TCOF1: variants seen among roughly 807,000 people sequenced by gnomAD.
The protein encoded by TCOF1 is treacle protein.
TCOF1 carries 33 observed loss-of-function variants against 149.0 expected under a neutral mutation model. That is an observed-to-expected ratio of 0.22 (90% CI 0.17 to 0.30). The LOEUF is 0.30. Ranked by LOEUF, TCOF1 falls within the 10% of genes least tolerant of loss-of-function variation. The pLI is 1.00. For missense variants in TCOF1, 1,728 were observed against 1,840.7 expected (o/e 0.94, Z 1.12); for synonymous variants, 789 against 738.8 (o/e 1.07, Z -1.10).
intron 2 of TCOF1, among the ~76,000 whole-genome samples, chr5:150,362,497 G>A (rs1035078937): frequency 1.2e-4 from 18 of 152,136 alleles, no homozygotes; most frequent in African/African-American, 3.4e-4. Context: ...CTGAGGCCCC[G>A]GAGACAGAAG....
intron 1 of TCOF1, 45 bp from the exon 2 acceptor site, chr5:150,361,111 A>T: frequency 6.2e-7 from 1 of 1,612,938 alleles, no homozygotes; most frequent in Non-Finnish European, 8.5e-7. Context: ...AAGGATCCTT[A>T]CTGTGCTGGG....
chr5:150,380,427 G>A (rs1029261162), intron 17 of TCOF1: 2 of 154,806 alleles, frequency 1.3e-5, no homozygotes, highest in Non-Finnish European at 2.9e-5. Flanking sequence ...GAAGCTTGGA[G>A]TGTGGCACAG....
At chr5:150,391,854 G>T in intron 20 of TCOF1, 103 bp from the exon 21 acceptor site, 1 of 1,233,014 alleles carries the variant, frequency 8.1e-7, no homozygotes, top group Non-Finnish European at 1.2e-6. Flanking sequence ...CTGCATGTGT[G>T]CCCCATCTAA....
At chr5:150,372,856 G>T (rs1762849506) in intron 7 of TCOF1, among the ~76,000 whole-genome samples, 1 of 152,214 alleles carries the variant, frequency 6.6e-6, no homozygotes, top group Admixed American at 6.5e-5. Flanking sequence ...GGCCTTGGGA[G>T]AAGGCGTCTC....
intron 8 of TCOF1, 42 bp from the exon 9 acceptor site, chr5:150,374,575 C>T (rs566906192): frequency 1.1e-5 from 17 of 1,611,792 alleles, no homozygotes; most frequent in Non-Finnish European, 1.3e-5. Flanking sequence ...TCTCCTCACA[C>T]GTCCATCCTC....
chr5:150,397,611 A>G (rs150963105), intron 24 of TCOF1, among the ~76,000 whole-genome samples: 1 of 152,068 alleles, frequency 6.6e-6, no homozygotes, highest in East Asian at 1.9e-4. Flanking sequence ...CCTAGGCAGC[A>G]CTCTCGAGCA....
In TCOF1 at chr5:150,362,058, G is replaced by A. The variant is rs540740559; in HGVS notation, c.164+847G>A. Among the ~76,000 whole-genome samples, 12 of 152,310 alleles carry A rather than the reference G, an allele frequency of 7.9e-5. No homozygotes were observed. The South Asian group carries it at 8.3e-4, about 11-fold the overall frequency. ...TGACACAGGGAGAACAGGGTAGAAA[G>A]TGGATTCCCAAGAATCATAGGGATG... is the stretch of plus-strand genomic sequence containing the variant. On this transcript the variant is annotated intron_variant, in intron 2 of 26. Coordinates refer to ENST00000643257, the MANE Select transcript of TCOF1 (RefSeq NM_001371623.1).
chr5:150,376,355 G>T, intron 13 of TCOF1, 25 bp downstream of exon 13: 1 of 1,614,048 alleles, frequency 6.2e-7, no homozygotes, highest in Non-Finnish European at 8.5e-7. Context: ...TTCTGGGCGG[G>T]CCTCAGGGCC....
In TCOF1 at chr5:150,367,879, G is replaced by A. The variant is rs1761698477; in HGVS notation, c.340G>A (p.Gly114Arg). 6.2e-7 allele frequency: 1 copy of A among 1,614,162 alleles called. No individual in the cohort carries two copies. Among genetic ancestry groups the A allele is most frequent in the Non-Finnish European group, 8.5e-7 (1 of 1,180,036 alleles). Residue 114 changes from glycine to arginine, a missense_variant, in exon 4 of 27, where the codon GGG becomes AGG. Coordinates refer to ENST00000643257, the MANE Select transcript of TCOF1 (RefSeq NM_001371623.1). ...AGCATCTACCAACTCCTCAGTCCTG[G>A]GGGCGGACTTGCCATCAAGCATGAA... The part of the protein sequence containing the change: ...RLASTNSSVL[G>R]ADLPSSMKEK...
chr5:150,387,959 G>C lies in TCOF1; in HGVS notation c.2917G>C (p.Ala973Pro). 6.2e-7 allele frequency: 1 copy of C among 1,614,028 alleles called. No homozygotes were observed. Among genetic ancestry groups the C allele is most frequent in the Non-Finnish European group, 8.5e-7 (1 of 1,180,024 alleles). ...DPNRSPAGPA[A>P]TPAQAQAAST... ...TAATCGTAGTCCAGCTGGCCCAGCT[G>C]CTACACCCGCACAAGCCCAGGCTGC... Residue 973 changes from alanine (A) to proline (P), a missense_variant, in exon 18 of 27, where the codon GCT becomes CCT. Coordinates refer to ENST00000643257, the MANE Select transcript of TCOF1 (RefSeq NM_001371623.1).
At position 150,389,823 on chromosome 5, in the gene TCOF1, G is replaced by A. The variant is rs1262411213; in HGVS notation, c.3047-64G>A. 3 of 1,612,976 alleles carry A rather than the reference G, an allele frequency of 1.9e-6. No homozygotes were observed. The African/African-American group carries it at 4.0e-5, about 22-fold the overall frequency. On this transcript the variant is annotated intron_variant, in intron 18 of 26. Coordinates refer to ENST00000643257, the MANE Select transcript of TCOF1 (RefSeq NM_001371623.1). ...GCACAGGCCGGTAAATTGGGTTATTGCCGCTGCTGAGGAGGCGATGGGGCT... is the reference window on the plus strand; with the variant it reads ...GCACAGGCCGGTAAATTGGGTTATTACCGCTGCTGAGGAGGCGATGGGGCT...
chr5:150,368,578 T>A, intron 4 of TCOF1, 138 bp from the exon 5 acceptor site: 1 of 954,718 alleles, frequency 1.0e-6, no homozygotes, highest in South Asian at 1.4e-5. Context: ...ACTTTAAAGA[T>A]TGGGAAACAG....
At position 150,391,595 on chromosome 5, in the gene TCOF1, G is replaced by T. The variant is rs1233454136; in HGVS notation, c.3235G>T (p.Val1079Phe). ...CCCACTGACCCAGGCTGCCCTGAAGGTCCTCGCCCAGAAAGCCAGTGAGGC... is the reference window on the plus strand; with the variant it reads ...CCCACTGACCCAGGCTGCCCTGAAGTTCCTCGCCCAGAAAGCCAGTGAGGC... ...SLPLTQAALK[V>F]LAQKASEAQP... Residue 1079 changes from valine (V) to phenylalanine (F), a missense_variant, in exon 20 of 27, where the codon GTC (valine) becomes TTC (phenylalanine). Around this residue, in one of 2 missense-constraint regions of TCOF1, gnomAD observed 1,696 missense variants for 1,765.4 expected, o/e 0.96. Coordinates refer to ENST00000643257, the MANE Select transcript of TCOF1 (RefSeq NM_001371623.1). 1.2e-6 allele frequency: 2 copies of T among 1,614,128 alleles called. No individual in the cohort carries two copies.
intron 3 of TCOF1, among the ~76,000 whole-genome samples, chr5:150,366,134 GGAA>G (rs1299886698): frequency 7.2e-6 from 1 of 137,948 alleles, no homozygotes; most frequent in Non-Finnish European, 1.6e-5. Context: ...AAAAAAAAAA[GGAA>G]GAAGAGTCCT....
At chr5:150,383,530 G>T (rs935613580) in intron 17 of TCOF1, among the ~76,000 whole-genome samples, 14 of 152,226 alleles carry the variant, frequency 9.2e-5, no homozygotes, top group African/African-American at 3.4e-4. Flanking sequence ...ACTGGTGCCA[G>T]CACACAAGGT....
intron 1 of TCOF1, 79 bp downstream of exon 1, chr5:150,357,933 AG>A: frequency 1.4e-6 from 2 of 1,478,644 alleles, no homozygotes; most frequent in Non-Finnish European, 1.8e-6. Context: ...CCCCGTCCCC[AG>A]GCGACCCGGC....
intron 20 of TCOF1, 123 bp from the exon 21 acceptor site, chr5:150,391,830 AGGAT>A: frequency 8.4e-7 from 1 of 1,184,632 alleles, no homozygotes; most frequent in East Asian, 2.5e-5. Flanking sequence ...CGTAGTTGGA[AGGAT>A]CAAATGAGGC....
rs1769203053 is a variant in TCOF1, at chr5:150,398,997, G to GC, written c.4444-23dup. On this transcript the variant is annotated intron_variant, in intron 25 of 26. Transcript: ENST00000643257. ...GTGGGGAAAAGCTGCAGGTCTGAGA[G>GC]CCTCTCGTACTTCCCTCCTCACAGA... 2.5e-6 allele frequency: 4 copies of GC among 1,614,132 alleles called. No individual in the cohort carries two copies. The Admixed American group carries it at 5.0e-5, about 20-fold the overall frequency.
At position 150,379,681 on chromosome 5, in the gene TCOF1, C is replaced by T. The variant is rs1327048845; in HGVS notation, c.2808C>T (p.Ser936=). The change falls in exon 17 of 27, where the codon AGC becomes AGT. Residue 936 remains serine, a synonymous_variant. Coordinates refer to ENST00000643257, the MANE Select transcript of TCOF1 (RefSeq NM_001371623.1). The stretch of plus-strand genomic sequence containing the variant: ...AGCAGGATGACTCAGGGAGCAGCAG[C>T]GAGGAATCAGACAGTGATGGGGAGG... The part of the protein sequence containing the change: ...AGKQDDSGSS[S]EESDSDGEAP... 30 of 1,614,014 alleles carry T rather than the reference C, an allele frequency of 1.9e-5. No individual in the cohort carries two copies. Among genetic ancestry groups the T allele is most frequent in the East Asian group, 4.5e-5 (2 of 44,892 alleles).
Sources: gnomAD v4.1 joint callset for allele counts (sites outside exome capture counted in the v4.1 genomes callset) on GRCh38, gnomAD v4.1.1 for gene constraint, gnomAD v4.1.1 regional missense constraint, MANE v1.5 for transcripts, NCBI Gene and HGNC (gene_info 2026-07-23, HGNC 2026-07-21) for gene names.